MT1B: variants seen among roughly 807,000 people sequenced by gnomAD.
MT1B encodes metallothionein-1B.
In MT1B, 4 loss-of-function variants were observed where a neutral mutation model predicts 7.9. That is an observed-to-expected ratio of 0.51 (90% CI 0.25 to 1.16). MT1B has a LOEUF of 1.16. Among genes scored for constraint, MT1B ranks in the 50% most tolerant of loss-of-function variants. The pLI is 0.15. For synonymous variants in MT1B, 22 were observed against 27.6 expected (o/e 0.80, Z 0.63); for missense variants, 76 against 75.2 (o/e 1.01, Z -0.04).
At position 56,652,973 on chromosome 16, in the gene MT1B, G is replaced by A; in HGVS notation, c.95-1G>A. ...CCTCTCACTCTCCCCTTCTTCCCCAGGCTGCTGCTCTTGCTGCCCCGTGGG... is the reference window on the plus strand; with the variant it reads ...CCTCTCACTCTCCCCTTCTTCCCCAAGCTGCTGCTCTTGCTGCCCCGTGGG... On this transcript the variant is annotated splice_acceptor_variant, in intron 2 of 2. Coordinates refer to ENST00000334346, the MANE Select transcript of MT1B (RefSeq NM_005947.3). LOFTEE classifies it high-confidence loss of function. The A allele has an allele frequency of 6.2e-7, 1 of 1,613,082 alleles. No homozygotes were observed. Among genetic ancestry groups the A allele is most frequent in the Non-Finnish European group, 8.5e-7 (1 of 1,179,956 alleles).
chr16:56,653,154 A>G lies in MT1B; in HGVS notation c.*89A>G. 3 of 1,251,426 alleles carry G rather than the reference A, an allele frequency of 2.4e-6. No individual in the cohort carries two copies. The highest frequency in any genetic ancestry group is 3.4e-6 in the Non-Finnish European group (3 of 874,272). 77.5% of individuals were successfully genotyped at this position (1,251,426 alleles called of 1,614,324 possible). A position where few individuals can be genotyped will look rare whatever the true frequency, so the allele number is the denominator to read the frequency against. On this transcript the variant is annotated 3_prime_UTR_variant, in exon 3 of 3. Coordinates refer to ENST00000334346, the MANE Select transcript of MT1B (RefSeq NM_005947.3). ...TTAACTACCCTGACCGGTTTGCTAC[A>G]TTCTTTTTTCTATTCAATATGTGAA...
At position 56,652,629 on chromosome 16, in the gene MT1B, C is replaced by A. The variant is rs1232036391; in HGVS notation, c.87C>A (p.Cys29Ter). 5 of 1,613,828 alleles carry A rather than the reference C, an allele frequency of 3.1e-6. No homozygotes were observed. Among genetic ancestry groups the A allele is most frequent in the Non-Finnish European group, 4.2e-6 (5 of 1,179,918 alleles). The change falls in exon 2 of 3, where the codon TGC (cysteine) becomes TGA (stop). Residue 29 changes from cysteine to a stop codon, truncating the protein, a stop_gained. Coordinates refer to ENST00000334346, the MANE Select transcript of MT1B (RefSeq NM_005947.3). LOFTEE classifies it high-confidence loss of function. ...CKCKECKCTS[C>*]KKCCCSCCPV... ...GCAAAGAGTGCAAATGTACCTCCTGCAAGAAGTGTGAGTGTGGGATCATCT... is the reference window on the plus strand; with the variant it reads ...GCAAAGAGTGCAAATGTACCTCCTGAAAGAAGTGTGAGTGTGGGATCATCT...
In MT1B at chr16:56,653,019, G is replaced by T. The variant is rs201236835; in HGVS notation, c.140G>T (p.Gly47Val). 1 of 1,613,648 alleles carries T rather than the reference G, an allele frequency of 6.2e-7. No homozygotes were observed. Among genetic ancestry groups the T allele is most frequent in the African/African-American group, 1.3e-5 (1 of 74,910 alleles). ...GTGGGCTGTGCCAAGTGTGCCCAGG[G>T]CTGTGTCTGCAAAGGCTCATCAGAG... Reference protein sequence around the residue: ...CPVGCAKCAQGCVCKGSSEKC... With the variant: ...CPVGCAKCAQVCVCKGSSEKC... The change falls in exon 3 of 3, where the codon GGC becomes GTC. Residue 47 changes from glycine to valine, a missense_variant. Gly to Val is a moderately radical substitution (Grantham distance 109). Coordinates refer to ENST00000334346, the MANE Select transcript of MT1B (RefSeq NM_005947.3).
intron 1 of MT1B, 35 bp from the exon 2 acceptor site, chr16:56,652,536 A>G (rs1414701758): frequency 1.9e-6 from 3 of 1,604,074 alleles, no homozygotes; most frequent in Non-Finnish European, 2.6e-6. Context: ...TCTGCATCTT[A>G]CTCACTGCCC....
chr16:56,651,900 C>T lies in MT1B; in HGVS notation c.-54C>T. On this transcript the variant is annotated 5_prime_UTR_variant, in exon 1 of 3. Coordinates refer to ENST00000334346, the MANE Select transcript of MT1B (RefSeq NM_005947.3). ...TCCTGGGCTCCATCACACCTTCCTCCTGCCCTGACTTCTCATATCTTGCCT... is the reference window on the plus strand; with the variant it reads ...TCCTGGGCTCCATCACACCTTCCTCTTGCCCTGACTTCTCATATCTTGCCT... 6.2e-7 allele frequency: 1 copy of T among 1,606,100 alleles called. No individual in the cohort carries two copies.
In MT1B at chr16:56,652,826, C is replaced by T. The variant is rs1271446132; in HGVS notation, c.95-148C>T. Reference sequence around the variant, plus strand: ...CAGACTTTTTCTATTGGGACACAAACCTCAAATGTACCATCAGAACACAGC... The same window carrying T: ...CAGACTTTTTCTATTGGGACACAAATCTCAAATGTACCATCAGAACACAGC... On this transcript the variant is annotated intron_variant, in intron 2 of 2. Transcript: ENST00000334346. 9.5e-6 allele frequency: 11 copies of T among 1,163,288 alleles called. No individual in the cohort carries two copies. In the African/African-American group the frequency reaches 1.4e-4, roughly 14 times the overall value. 72.1% of individuals were successfully genotyped at this position (1,163,288 alleles called of 1,614,324 possible).
intron 2 of MT1B, 149 bp downstream of exon 2, chr16:56,652,785 C>G: frequency 1.7e-6 from 2 of 1,210,632 alleles, no homozygotes; most frequent in Non-Finnish European, 2.4e-6. Flanking sequence ...CTGCTCTGAG[C>G]TCAGATGGGT....
At position 56,651,965 on chromosome 16, in the gene MT1B, C is replaced by T. The variant is rs758558702; in HGVS notation, c.12C>T (p.Asn4=). The change falls in exon 1 of 3, where the codon AAC becomes AAT. Residue 4 remains asparagine (N), a synonymous_variant. Coordinates refer to ENST00000334346, the MANE Select transcript of MT1B (RefSeq NM_005947.3). MDP[N]CSCTTGGSCA... ...TGTCTTGGCTCCAAATGGATCCCAA[C>T]TGCTCCTGCACCACAGGTAAGGGAC... 7 of 1,614,254 alleles carry T rather than the reference C, an allele frequency of 4.3e-6. No homozygotes were observed. The highest frequency in any genetic ancestry group is 1.7e-5 in the Admixed American group (1 of 60,038).
At chr16:56,652,474 G>A (rs1054779030) in intron 1 of MT1B, 97 bp from the exon 2 acceptor site, 6 of 1,168,776 alleles carry the variant, frequency 5.1e-6, no homozygotes, top group Non-Finnish European at 6.4e-6. Context: ...CTGATGGCTG[G>A]CCCTGCACAG....
rs147207526 is a variant in MT1B, at chr16:56,652,335, G to T, written c.29-236G>T. On this transcript the variant is annotated intron_variant, in intron 1 of 2. Transcript: ENST00000334346. The stretch of plus-strand genomic sequence containing the variant: ...CAGAAGGTTTTGGCCTCCAGCCCCA[G>T]TCTTCCTGGACTGTGTGTGGAGCTG... Among the ~76,000 whole-genome samples, 599 of 152,354 alleles carry T rather than the reference G, an allele frequency of 3.9e-3. 2 individuals are homozygous for T. Among genetic ancestry groups the T allele is most frequent in the Non-Finnish European group, 6.8e-3 (465 of 68,032 alleles).
intron 1 of MT1B, 53 bp downstream of exon 1, chr16:56,652,034 A>C (rs1439584053): frequency 1.2e-6 from 2 of 1,607,104 alleles, no homozygotes; most frequent in African/African-American, 2.7e-5. Context: ...GCCACTGTAC[A>C]CAGTGTCCCT....
chr16:56,652,634 AGTGTGAGT>A lies in MT1B; in HGVS notation c.94+2_94+9del. 1 of 1,613,990 alleles carries A rather than the reference AGTGTGAGT, an allele frequency of 6.2e-7. No individual in the cohort carries two copies. Among genetic ancestry groups the A allele is most frequent in the Non-Finnish European group, 8.5e-7 (1 of 1,179,900 alleles). On this transcript the variant is annotated splice_donor_variant and splice_donor_5th_base_variant and coding_sequence_variant and intron_variant, in exon 2 of 3. Transcript: ENST00000334346. LOFTEE classifies it high-confidence loss of function. Reference sequence around the variant, plus strand: ...GAGTGCAAATGTACCTCCTGCAAGAAGTGTGAGTGTGGGATCATCTCCAGGAATCTGGG... The same window carrying A: ...GAGTGCAAATGTACCTCCTGCAAGAAGTGGGATCATCTCCAGGAATCTGGG...
Position 56,653,076 on chromosome 16 carries a change from G to T in MT1B, c.*11G>T, listed in dbSNP as rs144207634. 1,215 of 1,613,504 alleles carry T rather than the reference G, an allele frequency of 7.5e-4. 25 individuals carry two copies. The East Asian group carries it at 0.022, about 29-fold the overall frequency. On this transcript the variant is annotated 3_prime_UTR_variant, in exon 3 of 3. Transcript: ENST00000334346. Reference sequence around the variant, plus strand: ...CGCTGCTGTGCCTGATGTTGGGAGAGCCCTGCTCCCAGACATAAATAGAGC... The same window carrying T: ...CGCTGCTGTGCCTGATGTTGGGAGATCCCTGCTCCCAGACATAAATAGAGC...
chr16:56,652,729 G>A, intron 2 of MT1B, 93 bp downstream of exon 2: 1 of 1,484,504 alleles, frequency 6.7e-7, no homozygotes, highest in Non-Finnish European at 9.4e-7. Context: ...TTGGGAACTG[G>A]TCTTCCTTTG....
In MT1B at chr16:56,651,991, G is replaced by C. The variant is rs775734443; in HGVS notation, c.28+10G>C. On this transcript the variant is annotated intron_variant, in intron 1 of 2. Coordinates refer to ENST00000334346, the MANE Select transcript of MT1B (RefSeq NM_005947.3). Reference sequence around the variant, plus strand: ...TGCTCCTGCACCACAGGTAAGGGACGCCTGGCTCTGGGCCTTGAGATGCCC... The same window carrying C: ...TGCTCCTGCACCACAGGTAAGGGACCCCTGGCTCTGGGCCTTGAGATGCCC... 6.2e-7 allele frequency: 1 copy of C among 1,614,220 alleles called. No homozygotes were observed. Among genetic ancestry groups the C allele is most frequent in the East Asian group, 2.2e-5 (1 of 44,892 alleles).
In MT1B at chr16:56,652,029, T is replaced by G. The variant is rs369782075; in HGVS notation, c.28+48T>G. The G allele has an allele frequency of 3.1e-6, 5 of 1,608,848 alleles. No homozygotes were observed. In the African/African-American group the frequency reaches 5.3e-5, roughly 17 times the overall value. ...CCTTGAGATGCCCATTCCCGGCCAC[T>G]GTACACAGTGTCCCTGGGTTAGAGA... is the stretch of plus-strand genomic sequence containing the variant. On this transcript the variant is annotated intron_variant, in intron 1 of 2. Transcript: ENST00000334346.
Position 56,652,774 on chromosome 16 carries a change from TC to T in MT1B, c.94+139del, listed in dbSNP as rs2144333219. On this transcript the variant is annotated intron_variant, in intron 2 of 2. Coordinates refer to ENST00000334346, the MANE Select transcript of MT1B (RefSeq NM_005947.3). Reference sequence around the variant, plus strand: ...GCTGTGTCATTCCCTCTCCAGGCTTTCTGCTCTGAGCTCAGATGGGTCAGGG... The same window carrying T: ...GCTGTGTCATTCCCTCTCCAGGCTTTTGCTCTGAGCTCAGATGGGTCAGGG... 14 of 1,267,708 alleles carry T rather than the reference TC, an allele frequency of 1.1e-5. No homozygotes were observed. In the South Asian group the frequency reaches 1.7e-4, roughly 16 times the overall value. 78.5% of individuals were successfully genotyped at this position (1,267,708 alleles called of 1,614,324 possible).
At chr16:56,652,439 C>A in intron 1 of MT1B, 132 bp from the exon 2 acceptor site, 1 of 900,818 alleles carries the variant, frequency 1.1e-6, no homozygotes, top group Non-Finnish European at 1.8e-6. Context: ...GCTTCTGTTC[C>A]TCCGCTCTGA....
Position 56,652,558 on chromosome 16 carries a change from C to T in MT1B, c.29-13C>T, listed in dbSNP as rs12051311. ...CTTACTCACTGCCCACTGCCTTTTT[C>T]GCTTCCTTGCAGGTGGCTCCTGTGC... is the stretch of plus-strand genomic sequence containing the variant. On this transcript the variant is annotated splice_polypyrimidine_tract_variant and intron_variant, in intron 1 of 2. Coordinates refer to ENST00000334346, the MANE Select transcript of MT1B (RefSeq NM_005947.3). The T allele has an allele frequency of 0.45, 728,302 of 1,611,938 alleles. 167,173 individuals carry two copies. Among genetic ancestry groups the T allele is most frequent in the East Asian group, 0.6 (26,840 of 44,776 alleles).
Sources: gnomAD v4.1 joint callset for allele counts (sites outside exome capture counted in the v4.1 genomes callset) on GRCh38, gnomAD v4.1.1 for gene constraint, MANE v1.5 for transcripts, NCBI Gene and HGNC (gene_info 2026-07-23, HGNC 2026-07-21) for gene names.